Variants in IMMP2L observed in about 807,000 individuals in gnomAD.
IMMP2L encodes inner mitochondrial membrane peptidase subunit 2, also known as mitochondrial inner membrane protease subunit 2.
IMMP2L carries 18 observed loss-of-function variants against 19.3 expected under a neutral mutation model. That is an observed-to-expected ratio of 0.93 (90% CI 0.64 to 1.38). The LOEUF (loss-of-function observed/expected upper bound fraction) is 1.38, where lower values mean the gene tolerates loss of function less well. IMMP2L is among the 40% of genes most tolerant of loss of function. The pLI is 0.00. For missense variants in IMMP2L, 233 were observed against 218.2 expected (o/e 1.07, Z -0.43); for synonymous variants, 76 against 73.0 (o/e 1.04, Z -0.21).
At chr7:111,025,390 A>G (rs1826702681) in intron 3 of IMMP2L, among the ~76,000 whole-genome samples, 1 of 152,200 alleles carries the variant, frequency 6.6e-6, no homozygotes, top group Non-Finnish European at 1.5e-5. Context: ...ACCAATAAGA[A>G]TTATCAGAAT....
chr7:110,745,378 T>G (rs1797264950), intron 5 of IMMP2L, among the ~76,000 whole-genome samples: 1 of 152,046 alleles, frequency 6.6e-6, no homozygotes, highest in Non-Finnish European at 1.5e-5. Context: ...AGGCCAACAT[T>G]CAAATTCAGG....
At chr7:111,297,060 G>T (rs143029801) in intron 3 of IMMP2L, among the ~76,000 whole-genome samples, 27 of 152,120 alleles carry the variant, frequency 1.8e-4, no homozygotes, top group African/African-American at 6.0e-4. Context: ...AGAAAAGGGA[G>T]CCAAAAGGGA....
chr7:110,780,885 T>C lies in IMMP2L; in HGVS notation c.408+105708A>G, dbSNP rs112376639. Among the ~76,000 whole-genome samples, 475 of 151,996 alleles carry C rather than the reference T, an allele frequency of 3.1e-3. 4 individuals are homozygous for C. Among genetic ancestry groups the C allele is most frequent in the African/African-American group, 0.011 (437 of 41,500 alleles). ...TGTCTCATTATTTGCACTCCCTGTCTTGTGAGTTCAGCAGCTGCATGAGAG... is the reference window on the plus strand; with the variant it reads ...TGTCTCATTATTTGCACTCCCTGTCCTGTGAGTTCAGCAGCTGCATGAGAG... On this transcript the variant is annotated intron_variant, in intron 5 of 5. Coordinates refer to ENST00000405709, the MANE Select transcript of IMMP2L (RefSeq NM_032549.4).
intron 4 of IMMP2L, among the ~76,000 whole-genome samples, chr7:110,934,248 T>G (rs1585327339): frequency 6.6e-6 from 1 of 152,276 alleles, no homozygotes; most frequent in East Asian, 1.9e-4. Flanking sequence ...TGAGGAGTGT[T>G]TTACTTCCAA....
At chr7:111,269,865 T>A (rs1818258818) in intron 3 of IMMP2L, among the ~76,000 whole-genome samples, 1 of 152,172 alleles carries the variant, frequency 6.6e-6, no homozygotes, top group South Asian at 2.1e-4. Flanking sequence ...CATTTTTGGC[T>A]ACCTATACCT....
chr7:111,286,872 T>G (rs1174593334), intron 3 of IMMP2L, among the ~76,000 whole-genome samples: 1 of 152,098 alleles, frequency 6.6e-6, no homozygotes, highest in Non-Finnish European at 1.5e-5. Context: ...TCAGAATGAT[T>G]TAGGGATACA....
chr7:110,690,459 A>G (rs1158726692), intron 5 of IMMP2L, among the ~76,000 whole-genome samples: 4 of 152,168 alleles, frequency 2.6e-5, no homozygotes, highest in Admixed American at 2.0e-4. Flanking sequence ...CAGCTAGAGC[A>G]ATCAGGCAAG....
intron 5 of IMMP2L, among the ~76,000 whole-genome samples, chr7:110,814,026 T>G (rs1230547440): frequency 6.6e-6 from 1 of 152,024 alleles, no homozygotes; most frequent in East Asian, 1.9e-4. Context: ...GTATATTAAC[T>G]AAAGACATCA....
intron 3 of IMMP2L, among the ~76,000 whole-genome samples, chr7:111,131,505 A>C (rs10243966): frequency 6.6e-6 from 1 of 152,048 alleles, no homozygotes; most frequent in East Asian, 1.9e-4. Flanking sequence ...TAAATTGTGA[A>C]TATGTGCCAG....
chr7:110,900,321 C>G lies in IMMP2L; in HGVS notation c.306-13626G>C, dbSNP rs568007014. The stretch of plus-strand genomic sequence containing the variant: ...AAATGATCTAAATCACTTCATGAAA[C>G]TTTAAAGCCAGACAGAAAACCATAG... On this transcript the variant is annotated intron_variant, in intron 4 of 5. Coordinates refer to ENST00000405709, the MANE Select transcript of IMMP2L (RefSeq NM_032549.4). 2.0e-5 allele frequency among the ~76,000 whole-genome samples: 3 copies of G among 152,268 alleles called. No homozygotes were observed. In the South Asian group the frequency reaches 6.2e-4, roughly 32 times the overall value.
At chr7:111,520,014 C>T (rs544947112) in intron 2 of IMMP2L, among the ~76,000 whole-genome samples, 1 of 152,092 alleles carries the variant, frequency 6.6e-6, no homozygotes, top group East Asian at 1.9e-4. Flanking sequence ...GAATCTGACT[C>T]CAAAGCTCAG....
chr7:110,703,555 A>G (rs1042921459), intron 5 of IMMP2L, among the ~76,000 whole-genome samples: 1 of 152,164 alleles, frequency 6.6e-6, no homozygotes, highest in African/African-American at 2.4e-5. Flanking sequence ...TTTGTAGCTC[A>G]TTTATATTTT....
chr7:110,894,943 C>T (rs1811174212), intron 4 of IMMP2L, among the ~76,000 whole-genome samples: 1 of 152,068 alleles, frequency 6.6e-6, no homozygotes, highest in Non-Finnish European at 1.5e-5. Context: ...ATTCTTTCTC[C>T]CTTGACTTAC....
intron 3 of IMMP2L, among the ~76,000 whole-genome samples, chr7:111,003,258 C>T (rs1823913048): frequency 6.6e-6 from 1 of 152,028 alleles, no homozygotes; most frequent in Admixed American, 6.6e-5. Flanking sequence ...CCGATATTCT[C>T]TCAATTTTAG....
rs1318484337 is a variant in IMMP2L at position 110,849,815 on chromosome 7, A to G, written c.408+36778T>C. Among the ~76,000 whole-genome samples, 3 of 152,220 alleles carry G rather than the reference A, an allele frequency of 2.0e-5. No individual in the cohort carries two copies. In the East Asian group the frequency reaches 5.8e-4, roughly 29 times the overall value. ...TACCTCTAGAAATCTGCTTTATGGT[A>G]GTTATCAGAAAGGTAGAAAAGATTC... is the stretch of plus-strand genomic sequence containing the variant. On this transcript the variant is annotated intron_variant, in intron 5 of 5. Coordinates refer to ENST00000405709, the MANE Select transcript of IMMP2L (RefSeq NM_032549.4).
intron 5 of IMMP2L, among the ~76,000 whole-genome samples, chr7:110,752,788 T>C (rs1797803036): frequency 1.3e-5 from 2 of 152,070 alleles, no homozygotes; most frequent in African/African-American, 4.8e-5. Context: ...GTTGACAATG[T>C]ATCTTGATGG....
chr7:110,824,857 T>C (rs576040872), intron 5 of IMMP2L, among the ~76,000 whole-genome samples: 1 of 152,224 alleles, frequency 6.6e-6, no homozygotes, highest in East Asian at 1.9e-4. Flanking sequence ...AAAAAGGATA[T>C]TATACTCAAA....
chr7:111,210,675 A>C (rs1343572797), intron 3 of IMMP2L, among the ~76,000 whole-genome samples: 3 of 152,138 alleles, frequency 2.0e-5, no homozygotes, highest in Non-Finnish European at 4.4e-5. Flanking sequence ...TTATATTCTT[A>C]ATCATAAGAC....
intron 3 of IMMP2L, among the ~76,000 whole-genome samples, chr7:111,463,066 G>A (rs537662227): frequency 1.3e-5 from 2 of 152,168 alleles, no homozygotes; most frequent in South Asian, 2.1e-4. Flanking sequence ...TCCCTCTGAA[G>A]GCAGTAAGGA....
Sources: allele counts gnomAD v4.1 joint callset (sites outside exome capture counted in the v4.1 genomes callset), GRCh38; gene constraint gnomAD v4.1.1; transcripts MANE v1.5; gene names NCBI Gene and HGNC (gene_info 2026-07-23, HGNC 2026-07-21).